The following TRIM23 variants were observed in gnomAD, a reference collection of about 807,000 sequenced individuals.
TRIM23 encodes the protein E3 ubiquitin-protein ligase TRIM23.
Under a neutral mutation model 71.0 loss-of-function variants are expected in TRIM23, and 27 were observed. The ratio of observed to expected loss-of-function variants is 0.38; its 90% CI spans 0.28 to 0.52. The LOEUF is 0.52. Among genes scored for constraint, TRIM23 ranks in the 20% least tolerant of loss-of-function variants. TRIM23 has a pLI of 0.84. For synonymous variants in TRIM23, 234 were observed against 238.0 expected, an observed-to-expected ratio of 0.98 and a Z score of 0.16; for missense variants, 482 against 692.3, an observed-to-expected ratio of 0.70 and a Z score of 3.41.
intron 2 of TRIM23, 96 bp from the exon 3 acceptor site, chr5:65,614,315 G>T: frequency 8.6e-7 from 1 of 1,158,442 alleles, no homozygotes; most frequent in Non-Finnish European, 1.2e-6. Context: ...TAGTTCAGTA[G>T]TTAATGTCTA....
intron 10 of TRIM23, among the ~76,000 whole-genome samples, chr5:65,592,499 T>C (rs1039933019): frequency 1.3e-5 from 2 of 152,086 alleles, no homozygotes; most frequent in African/African-American, 4.8e-5. Flanking sequence ...AATGCAAGGA[T>C]TGCAGGCATG....
At chr5:65,596,318 G>T in intron 9 of TRIM23, 103 bp downstream of exon 9, 2 of 796,600 alleles carry the variant, frequency 2.5e-6, no homozygotes, top group Non-Finnish European at 4.2e-6. Context: ...TAAGTATACA[G>T]TCAACGACTT....
At chr5:65,595,598 T>C (rs1581175044) in intron 9 of TRIM23, among the ~76,000 whole-genome samples, 1 of 149,172 alleles carries the variant, frequency 6.7e-6, no homozygotes, top group African/African-American at 2.5e-5. Context: ...TGTGGTGGCA[T>C]ATACCTAGTC....
intron 6 of TRIM23, among the ~76,000 whole-genome samples, chr5:65,608,329 G>A (rs1754560330): frequency 6.6e-6 from 1 of 152,064 alleles, no homozygotes; most frequent in Non-Finnish European, 1.5e-5. Flanking sequence ...CAAAATAGAG[G>A]ATAGAAGAGT....
chr5:65,608,633 G>C (rs1196807549), intron 6 of TRIM23, among the ~76,000 whole-genome samples: 1 of 152,146 alleles, frequency 6.6e-6, no homozygotes, highest in South Asian at 2.1e-4. Flanking sequence ...TATGAAAACA[G>C]ATCCAAAACA....
At chr5:65,614,958 C>T (rs890765564) in intron 2 of TRIM23, among the ~76,000 whole-genome samples, 12 of 152,096 alleles carry the variant, frequency 7.9e-5, no homozygotes, top group East Asian at 3.9e-4. Flanking sequence ...TGTGCAGTAG[C>T]GTGATCTCTG....
In TRIM23 at chr5:65,594,418, C is replaced by T. The variant is rs898482543; in HGVS notation, c.1545+103G>A. ...TTGTACTCAAAATACACAGAAGAAA[C>T]TATAAATATCTATTGAACTGATTGT... On this transcript the variant is annotated intron_variant, in intron 10 of 10. Transcript: ENST00000231524. 4.3e-4 allele frequency: 584 copies of T among 1,363,378 alleles called. 5 individuals carry two copies. Among genetic ancestry groups the T allele is most frequent in the Admixed American group, 1.2e-4 (5 of 42,302 alleles). 84.5% of individuals were successfully genotyped at this position (1,363,378 alleles called of 1,614,324 possible). A position where few individuals can be genotyped will look rare whatever the true frequency, so the allele number is the denominator to read the frequency against.
At position 65,597,045 on chromosome 5, in the gene TRIM23, A is replaced by C. The variant is rs375171175; in HGVS notation, c.1309+6T>G. On this transcript the variant is annotated splice_donor_region_variant and intron_variant, in intron 8 of 10. Transcript: ENST00000231524. ...TATTAAGGTAAAAACCAATATTCAT[A>C]CTTACCAATTGTTGGAATGGGCTGC... is the stretch of plus-strand genomic sequence containing the variant. 166 of 1,613,732 alleles carry C rather than the reference A, an allele frequency of 1.0e-4. No homozygotes were observed. The highest frequency in any genetic ancestry group is 1.4e-4 in the Non-Finnish European group (160 of 1,179,874).
intron 10 of TRIM23, among the ~76,000 whole-genome samples, chr5:65,592,837 A>G (rs1241760318): frequency 6.6e-6 from 1 of 152,196 alleles, no homozygotes; most frequent in Non-Finnish European, 1.5e-5. Context: ...GATGGTCTGC[A>G]TTATTTTTAA....
At chr5:65,621,737 C>T (rs1411662610) in intron 1 of TRIM23, among the ~76,000 whole-genome samples, 4 of 152,072 alleles carry the variant, frequency 2.6e-5, no homozygotes, top group African/African-American at 9.7e-5. Context: ...TAATTTTACA[C>T]TTCAAAAAAT....
In TRIM23 at chr5:65,618,108, G is replaced by C. The variant is rs749126699; in HGVS notation, c.229C>G (p.Gln77Glu). 1.2e-6 allele frequency: 2 copies of C among 1,612,508 alleles called. No homozygotes were observed. Among genetic ancestry groups the C allele is most frequent in the Non-Finnish European group, 1.7e-6 (2 of 1,179,414 alleles). Residue 77 changes from glutamine to glutamate, a missense_variant, in exon 2 of 11, where the codon CAA (glutamine) becomes GAA (glutamate). Gln to Glu is a conservative substitution (Grantham distance 29). This residue lies in a region of TRIM23 where 175 missense variants were observed against 196.5 expected (regional missense o/e 0.89). Coordinates refer to ENST00000231524, the MANE Select transcript of TRIM23 (RefSeq NM_001656.4). The part of the protein sequence containing the change: ...GRAIRCPFDR[Q>E]VTDLGDSGVW... ...CTTTTCCTACCTAGGTCTGTTACTT[G>C]TCGATCAAATGGGCAACGGATTGCT...
In TRIM23 at chr5:65,611,771, T is replaced by A. The variant is rs1446226329; in HGVS notation, c.477A>T (p.Thr159=). 5 of 1,614,200 alleles carry A rather than the reference T, an allele frequency of 3.1e-6. No homozygotes were observed. Among genetic ancestry groups the A allele is most frequent in the Non-Finnish European group, 4.2e-6 (5 of 1,180,024 alleles). ...ECSQVTHSTK[T]LAKHRRVPLA... ...GAGGAACTCGCCTGTGCTTTGCTAA[T>A]GTCTTTGTAGAATGAGTAACTTGAG... Residue 159 remains threonine, a synonymous_variant, in exon 4 of 11, where the codon ACA becomes ACT. Coordinates refer to ENST00000231524, the MANE Select transcript of TRIM23 (RefSeq NM_001656.4).
intron 6 of TRIM23, among the ~76,000 whole-genome samples, chr5:65,605,786 G>A (rs537955895): frequency 2.0e-5 from 3 of 152,154 alleles, no homozygotes; most frequent in Non-Finnish European, 4.4e-5. Context: ...GAGAACGGTA[G>A]TATTATCTGT....
At chr5:65,593,206 G>A (rs969794155) in intron 10 of TRIM23, among the ~76,000 whole-genome samples, 5 of 152,096 alleles carry the variant, frequency 3.3e-5, no homozygotes, top group Admixed American at 6.5e-5. Flanking sequence ...AGGATGAGGC[G>A]GGCAGATCAC....
At chr5:65,617,995 T>C (rs1754817667) in intron 2 of TRIM23, 98 bp downstream of exon 2, 7 of 1,301,392 alleles carry the variant, frequency 5.4e-6, no homozygotes, top group African/African-American at 1.5e-5. Context: ...CTGGGAATTT[T>C]ATCATTCTAA....
chr5:65,602,248 C>T lies in TRIM23; in HGVS notation c.1179+2663G>A, dbSNP rs137863635. ...CTTTGCTGCTTAGCAATTTCTTCCA[C>T]CAGATACCCTAAATCACCTCTCTCA... On this transcript the variant is annotated intron_variant, in intron 7 of 10. Coordinates refer to ENST00000231524, the MANE Select transcript of TRIM23 (RefSeq NM_001656.4). 1.9e-3 allele frequency among the ~76,000 whole-genome samples: 284 copies of T among 152,260 alleles called. 1 individual carries two copies. Among genetic ancestry groups the T allele is most frequent in the African/African-American group, 6.6e-3 (273 of 41,542 alleles).
chr5:65,617,125 C>A (rs1754797466), intron 2 of TRIM23, among the ~76,000 whole-genome samples: 1 of 152,170 alleles, frequency 6.6e-6, no homozygotes, highest in Non-Finnish European at 1.5e-5. Context: ...TATTTCTTGG[C>A]TACTGGTAAG....
intron 6 of TRIM23, among the ~76,000 whole-genome samples, chr5:65,605,430 T>C (rs1241881728): frequency 1.3e-5 from 2 of 152,130 alleles, no homozygotes; most frequent in Non-Finnish European, 2.9e-5. Context: ...TGGTTTATCA[T>C]GGTGGGAAAG....
At position 65,609,267 on chromosome 5, in the gene TRIM23, G is replaced by C. The variant is rs1754588413; in HGVS notation, c.1020C>G (p.Leu340=). 6.2e-7 allele frequency: 1 copy of C among 1,614,118 alleles called. No homozygotes were observed. The highest frequency in any genetic ancestry group is 1.1e-5 in the South Asian group (1 of 91,082). ...CCTGCTGCAAAGTCTTTTCACAGTG[G>C]AGGCAGGCTGCAGAAACCTCTGACA... ...ILLSEVSAAC[L]HCEKTLQQDD... Residue 340 remains leucine (L), a synonymous_variant, in exon 6 of 11, where the codon CTC becomes CTG. Transcript: ENST00000231524.
Sources: gnomAD v4.1 joint callset for allele counts (sites outside exome capture counted in the v4.1 genomes callset) on GRCh38, gnomAD v4.1.1 for gene constraint, gnomAD v4.1.1 regional missense constraint, MANE v1.5 for transcripts, NCBI Gene and HGNC (gene_info 2026-07-23, HGNC 2026-07-21) for gene names.